Variants in MCTP2 observed in about 807,000 individuals in gnomAD.
The protein encoded by MCTP2 is multiple C2 and transmembrane domain-containing protein 2.
MCTP2 carries 132 observed loss-of-function variants against 111.6 expected under a neutral mutation model. The observed-to-expected ratio is 1.18, with a 90% confidence interval of 1.03 to 1.37. The LOEUF is 1.37. MCTP2 is among the 40% of genes most tolerant of loss of function. MCTP2 has a pLI of 0.00. For synonymous variants in MCTP2, 395 were observed against 387.7 expected (o/e 1.02, Z -0.22); for missense variants, 1,183 against 1,067.9 (o/e 1.11, Z -1.50).
At chr15:94,299,941 G>A (rs912249018) in intron 2 of MCTP2, among the ~76,000 whole-genome samples, 6 of 152,084 alleles carry the variant, frequency 3.9e-5, no homozygotes, top group South Asian at 2.1e-4. Context: ...TTGGCATTAC[G>A]TTTTATAAAA....
At chr15:94,298,852 C>G in intron 2 of MCTP2, 122 bp downstream of exon 2, 1 of 427,676 alleles carries the variant, frequency 2.3e-6, no homozygotes, top group South Asian at 3.0e-5. Flanking sequence ...CTCTTCCCCC[C>G]TCCCCCTCCC....
chr15:94,232,401 A>C (rs7494807), intron 1 of MCTP2, among the ~76,000 whole-genome samples: 150,147 of 152,288 alleles, frequency 0.99, 74,024 homozygotes, highest in Middle Eastern at 1. Flanking sequence ...GGAAGGTACA[A>C]GGGTGCGAAC....
chr15:94,451,853 TTAAAC>T (rs1027390206), intron 19 of MCTP2, among the ~76,000 whole-genome samples: 72 of 152,332 alleles, frequency 4.7e-4, no homozygotes, highest in African/African-American at 1.5e-3. Context: ...CCAGTATTCT[TTAAAC>T]TAGACAAAAG....
At position 94,298,328 on chromosome 15, in the gene MCTP2, C is replaced by A. The variant is rs1039395825; in HGVS notation, c.63C>A (p.Ile21=). Residue 21 remains isoleucine (I), a synonymous_variant, in exon 2 of 23, where the codon ATC becomes ATA. Coordinates refer to ENST00000357742, the MANE Select transcript of MCTP2 (RefSeq NM_001385001.1). ...AACAGCGGACCAGGCCATTGTTGAT[C>A]AACTTGAGCAAGAAGAAGGTGAAAA... is the stretch of plus-strand genomic sequence containing the variant. The part of the protein sequence containing the change: ...SLKQRTRPLL[I]NLSKKKVKKN... 1 of 1,614,070 alleles carries A rather than the reference C, an allele frequency of 6.2e-7. No individual in the cohort carries two copies. Among genetic ancestry groups the A allele is most frequent in the South Asian group, 1.1e-5 (1 of 91,072 alleles).
chr15:94,277,437 T>G (rs984550930), intron 1 of MCTP2, among the ~76,000 whole-genome samples: 1 of 152,154 alleles, frequency 6.6e-6, no homozygotes, highest in East Asian at 1.9e-4. Context: ...GGTTCTTCAG[T>G]AGTCAAATGG....
intron 1 of MCTP2, among the ~76,000 whole-genome samples, chr15:94,243,285 G>A (rs556442107): frequency 2.9e-4 from 43 of 147,938 alleles, no homozygotes; most frequent in Admixed American, 9.4e-4. Flanking sequence ...ACATACGTAT[G>A]CGTATATGCA....
chr15:94,464,038 G>A (rs2152532494), intron 20 of MCTP2, among the ~76,000 whole-genome samples: 1 of 151,032 alleles, frequency 6.6e-6, no homozygotes, highest in Non-Finnish European at 1.5e-5. Context: ...TTGTGTTCTT[G>A]ACATTTTCTT....
chr15:94,469,407 A>G (rs1411722719), intron 20 of MCTP2, among the ~76,000 whole-genome samples: 1 of 152,248 alleles, frequency 6.6e-6, no homozygotes, highest in Non-Finnish European at 1.5e-5. Flanking sequence ...CTCTGTGAAA[A>G]TAATACATAG....
chr15:94,402,180 G>T (rs957198811), intron 17 of MCTP2, 161 bp downstream of exon 17: 1 of 861,022 alleles, frequency 1.2e-6, no homozygotes, highest in African/African-American at 1.8e-5. Context: ...CCAAATCTTA[G>T]TCATATATGG....
Position 94,345,141 on chromosome 15 carries a change from C to A in MCTP2, c.982C>A (p.Arg328=). The A allele has an allele frequency of 1.2e-6, 2 of 1,612,536 alleles. No individual in the cohort carries two copies. Among genetic ancestry groups the A allele is most frequent in the South Asian group, 1.1e-5 (1 of 90,984 alleles). ...GDFKRHRWSN[R]KRLSASKSSL... ...CACAAATCTTTAGCGTTGGTCAAAT[C>A]GGAAGCGATTAAGTGCCAGCAAGGT... The change falls in exon 8 of 23, where the codon CGG becomes AGG. Residue 328 remains arginine (R), a synonymous_variant. Transcript: ENST00000357742.
intron 1 of MCTP2, among the ~76,000 whole-genome samples, chr15:94,279,133 GT>G (rs148126199): frequency 1.3e-5 from 2 of 151,990 alleles, no homozygotes; most frequent in South Asian, 2.1e-4. Context: ...TTTTAGAATA[GT>G]TTTTTTTCTA....
chr15:94,446,686 A>G (rs766042830), intron 19 of MCTP2, among the ~76,000 whole-genome samples: 2 of 152,254 alleles, frequency 1.3e-5, no homozygotes, highest in Non-Finnish European at 2.9e-5. Context: ...AGAAGGAATC[A>G]TAAGGGCATG....
chr15:94,374,375 C>T lies in MCTP2; in HGVS notation c.1582+4195C>T, dbSNP rs139619343. Among the ~76,000 whole-genome samples the T allele has an allele frequency of 6.6e-5, 10 of 152,286 alleles. No homozygotes were observed. In the South Asian group the frequency reaches 1.7e-3, roughly 25 times the overall value. ...AAGAGTAGGAAACTATATTGGTTTG[C>T]TCAGCACATGTGTGCAGATTATTCA... On this transcript the variant is annotated intron_variant, in intron 12 of 22. Transcript: ENST00000357742.
intron 11 of MCTP2, 87 bp downstream of exon 11, chr15:94,367,878 GA>G: frequency 8.6e-7 from 1 of 1,166,938 alleles, no homozygotes; most frequent in Non-Finnish European, 1.2e-6. Context: ...TCTCTGAATT[GA>G]AAAACTACAT....
intron 8 of MCTP2, 34 bp downstream of exon 8, chr15:94,345,198 G>A (rs1234586656): frequency 6.3e-7 from 1 of 1,596,882 alleles, no homozygotes; most frequent in South Asian, 1.1e-5. Context: ...AGATCATTTG[G>A]TTAAAAACTT....
chr15:94,325,123 G>T (rs1323383581), intron 4 of MCTP2, among the ~76,000 whole-genome samples: 1 of 152,148 alleles, frequency 6.6e-6, no homozygotes, highest in Admixed American at 6.5e-5. Context: ...AAGAGTGCTG[G>T]ATGGTGGGTG....
At chr15:94,424,666 T>C (rs910815736) in intron 17 of MCTP2, among the ~76,000 whole-genome samples, 3 of 152,216 alleles carry the variant, frequency 2.0e-5, no homozygotes, top group African/African-American at 7.2e-5. Context: ...CCCAAGTGAT[T>C]ATTGAACCAT....
At chr15:94,360,438 G>A (rs965830181) in intron 10 of MCTP2, among the ~76,000 whole-genome samples, 1 of 152,180 alleles carries the variant, frequency 6.6e-6, no homozygotes, top group Non-Finnish European at 1.5e-5. Flanking sequence ...TGATATACCA[G>A]GACCCTGCCA....
Position 94,458,243 on chromosome 15 carries a change from A to G in MCTP2, c.2357A>G (p.Lys786Arg). 6.3e-7 allele frequency: 1 copy of G among 1,581,926 alleles called. No homozygotes were observed. Among genetic ancestry groups the G allele is most frequent in the South Asian group, 1.1e-5 (1 of 90,452 alleles). ...ATAGCTTCTTTTGGAGAAAGGATTA[A>G]GAAGTAAGTTCTAAATTTGTGTTGT... ...EEIASFGERI[K>R]NTFNWTVPFL... The change falls in exon 20 of 23, where the codon AAG (lysine) becomes AGG (arginine). Residue 786 changes from lysine to arginine, a missense_variant. Transcript: ENST00000357742.
Sources: allele counts gnomAD v4.1 joint callset (sites outside exome capture counted in the v4.1 genomes callset), GRCh38; gene constraint gnomAD v4.1.1; transcripts MANE v1.5; gene names NCBI Gene and HGNC (gene_info 2026-07-23, HGNC 2026-07-21).